PDE10A: variants seen among roughly 807,000 people sequenced by gnomAD.
PDE10A encodes phosphodiesterase 10A, also known as cAMP and cAMP-inhibited cGMP 3',5'-cyclic phosphodiesterase 10A.
Under a neutral mutation model 97.7 loss-of-function variants are expected in PDE10A, and 39 were observed. The ratio of observed to expected loss-of-function variants is 0.40; its 90% CI spans 0.31 to 0.52. PDE10A has a LOEUF of 0.52. Ranked by LOEUF, PDE10A falls within the 20% of genes least tolerant of loss-of-function variation. PDE10A has a pLI of 0.56. For missense variants in PDE10A, 731 were observed against 1,047.8 expected (o/e 0.70, Z 4.17); for synonymous variants, 371 against 376.8 (o/e 0.98, Z 0.18).
At chr6:165,485,210 G>T (rs113909071) in intron 2 of PDE10A, among the ~76,000 whole-genome samples, 2,875 of 152,138 alleles carry the variant, frequency 0.019, 66 homozygotes, top group African/African-American at 0.066. Context: ...GGTGGCTCAC[G>T]CCTGTAATCC....
At chr6:165,770,138 C>T (rs938267359) in intron 1 of PDE10A, among the ~76,000 whole-genome samples, 1 of 117,050 alleles carries the variant, frequency 8.5e-6, no homozygotes, top group Non-Finnish European at 1.7e-5. Context: ...AACAAACAAA[C>T]GAAAGTAAAT....
intron 11 of PDE10A, among the ~76,000 whole-genome samples, chr6:165,417,166 A>C (rs914029145): frequency 1.3e-5 from 2 of 152,250 alleles, no homozygotes; most frequent in Admixed American, 6.5e-5. Flanking sequence ...AGTTCACACA[A>C]AAGAGAATCT....
chr6:165,714,333 G>C (rs1169786102), intron 1 of PDE10A, among the ~76,000 whole-genome samples: 1 of 152,246 alleles, frequency 6.6e-6, no homozygotes, highest in Non-Finnish European at 1.5e-5. Flanking sequence ...GGGAACAGGA[G>C]TCACAGGTTT....
chr6:165,944,507 T>C (rs1783695556), intron 1 of PDE10A, among the ~76,000 whole-genome samples: 2 of 152,228 alleles, frequency 1.3e-5, no homozygotes. Context: ...GTGACGTCTT[T>C]ACTGTGGTAT....
At chr6:165,600,617 C>A (rs558198757) in intron 1 of PDE10A, among the ~76,000 whole-genome samples, 2 of 152,182 alleles carry the variant, frequency 1.3e-5, no homozygotes, top group African/African-American at 4.8e-5. Flanking sequence ...GTCACCTTTC[C>A]GGCATTGACT....
chr6:165,585,416 A>C (rs1785849272), intron 1 of PDE10A, among the ~76,000 whole-genome samples: 1 of 152,228 alleles, frequency 6.6e-6, no homozygotes, highest in African/African-American at 2.4e-5. Context: ...TAGCAGTCAC[A>C]GTCCATTGAC....
At chr6:165,689,571 T>C (rs931102026) in intron 1 of PDE10A, among the ~76,000 whole-genome samples, 29 of 152,098 alleles carry the variant, frequency 1.9e-4, no homozygotes, top group Non-Finnish European at 1.9e-4. Flanking sequence ...TCACGTGAGA[T>C]CTGATTGTTA....
chr6:165,796,091 C>CTTTTTTTTTTTTTTTTTTTTTTTTT (rs1168771487), intron 1 of PDE10A, among the ~76,000 whole-genome samples: 3 of 108,814 alleles, frequency 2.8e-5, no homozygotes, highest in Non-Finnish European at 5.4e-5. Flanking sequence ...TTTTTCTTTT[C>CTTTTTTTTTTTTTTTTTTTTTTTTT]TTTTTTTTTT....
Position 165,671,104 on chromosome 6 carries a change from T to G in PDE10A, c.-614-127536A>C, listed in dbSNP as rs569786577. On this transcript the variant is annotated intron_variant, in intron 1 of 19. Coordinates refer to the PDE10A transcript ENST00000366882. The surrounding 1 kb of genome is among the most constrained non-coding windows in gnomAD (Gnocchi z 4.6). ...TCCTAGGTTTTCAACATATCAATGT[T>G]AGAATCACCCTTTTTGGGTAAAACG... Among the ~76,000 whole-genome samples the G allele has an allele frequency of 1.3e-5, 2 of 151,838 alleles. No homozygotes were observed. Among genetic ancestry groups the G allele is most frequent in the South Asian group, 4.2e-4 (2 of 4,806 alleles).
chr6:165,445,308 T>C (rs999222568), intron 5 of PDE10A, among the ~76,000 whole-genome samples: 8 of 152,236 alleles, frequency 5.3e-5, no homozygotes, highest in African/African-American at 1.9e-4. Context: ...ATTGCTTTGC[T>C]GGGCTGAGAA....
intron 1 of PDE10A, among the ~76,000 whole-genome samples, chr6:165,968,185 C>G (rs1006957085): frequency 2.6e-5 from 4 of 152,176 alleles, no homozygotes; most frequent in African/African-American, 9.7e-5. Flanking sequence ...ATTGGAGAAA[C>G]TAGGAGAAGA....
At chr6:165,742,752 A>G (rs888326573) in intron 1 of PDE10A, among the ~76,000 whole-genome samples, 1 of 151,960 alleles carries the variant, frequency 6.6e-6, no homozygotes, top group Non-Finnish European at 1.5e-5. Context: ...GCATCCATCC[A>G]TCCATCACTG....
intron 1 of PDE10A, among the ~76,000 whole-genome samples, chr6:165,911,177 A>C (rs1782443813): frequency 6.6e-6 from 1 of 152,216 alleles, no homozygotes; most frequent in South Asian, 2.1e-4. Flanking sequence ...ATACAACTCA[A>C]AAATTATCAT....
intron 1 of PDE10A, among the ~76,000 whole-genome samples, chr6:165,552,545 A>C (rs528020394): frequency 6.6e-6 from 1 of 152,342 alleles, no homozygotes; most frequent in African/African-American, 2.4e-5. Context: ...ACCCCCAATA[A>C]GAAAACTGGG....
chr6:165,681,193 T>C (rs1354250019), intron 1 of PDE10A, among the ~76,000 whole-genome samples: 4 of 152,212 alleles, frequency 2.6e-5, no homozygotes, highest in Non-Finnish European at 5.9e-5. Context: ...GATGCCTGTG[T>C]GGTACGTATC....
chr6:165,740,447 C>T (rs1359513210), intron 1 of PDE10A, among the ~76,000 whole-genome samples: 1 of 152,182 alleles, frequency 6.6e-6, no homozygotes, highest in Non-Finnish European at 1.5e-5. Flanking sequence ...TCTCCTGCCT[C>T]AGCCTCCTGA....
chr6:165,955,293 C>G (rs1357408631), intron 1 of PDE10A, among the ~76,000 whole-genome samples: 1 of 152,200 alleles, frequency 6.6e-6, no homozygotes, highest in African/African-American at 2.4e-5. Flanking sequence ...TTATTTTCCA[C>G]TCCTTTACTT....
chr6:165,494,517 C>CATATAT lies in PDE10A; in HGVS notation c.995-12180_995-12175dup, dbSNP rs112000837. On this transcript the variant is annotated intron_variant, in intron 2 of 21. Transcript: ENST00000539869. ...ACATAGTAGTATTCCATGGTGTGTG[C>CATATAT]ATATATATATATATATATATTTATT... Among the ~76,000 whole-genome samples, 163 of 141,922 alleles carry CATATAT rather than the reference C, an allele frequency of 1.1e-3. 1 individual carries two copies. Among genetic ancestry groups the CATATAT allele is most frequent in the African/African-American group, 3.6e-3 (140 of 38,608 alleles). The allele number at this position is 141,922 out of a possible 152,430, so 93.1% of individuals were successfully genotyped here.
At chr6:165,872,458 C>T (rs1205491994) in intron 1 of PDE10A, among the ~76,000 whole-genome samples, 2 of 152,112 alleles carry the variant, frequency 1.3e-5, no homozygotes, top group Non-Finnish European at 2.9e-5. Flanking sequence ...TCAGCAGTAT[C>T]CTCTTCCTTC....
Sources: gnomAD v4.1 joint callset for allele counts (sites outside exome capture counted in the v4.1 genomes callset) on GRCh38, gnomAD v4.1.1 for gene constraint, Gnocchi (gnomAD v3.1) non-coding constraint, MANE v1.5 for transcripts, NCBI Gene and HGNC (gene_info 2026-07-23, HGNC 2026-07-21) for gene names.